Variants in CYP7B1 observed in about 807,000 individuals in gnomAD.
The protein encoded by CYP7B1 is cytochrome P450 7B1.
A neutral mutation model predicts 42.7 loss-of-function variants in CYP7B1; 29 were observed. That is an observed-to-expected ratio of 0.68 (90% CI 0.51 to 0.93). CYP7B1 has a LOEUF of 0.93. Ranked by LOEUF, CYP7B1 falls within the 40% of genes least tolerant of loss-of-function variation. CYP7B1 has a pLI of 0.00. For synonymous variants in CYP7B1, 235 were observed against 218.2 expected, an observed-to-expected ratio of 1.08 and a Z score of -0.68; for missense variants, 655 against 600.5, an observed-to-expected ratio of 1.09 and a Z score of -0.95.
intron 1 of CYP7B1, among the ~76,000 whole-genome samples, chr8:64,629,932 C>G (rs140818108): frequency 1.3e-5 from 2 of 152,076 alleles, no homozygotes; most frequent in Non-Finnish European, 2.9e-5. Flanking sequence ...AGACCAGAAG[C>G]CCCAGTGAGA....
chr8:64,695,999 A>G (rs896367461), intron 1 of CYP7B1, among the ~76,000 whole-genome samples: 1 of 152,222 alleles, frequency 6.6e-6, no homozygotes, highest in African/African-American at 2.4e-5. Context: ...TAGAACAGTT[A>G]TAATTCTTAT....
intron 1 of CYP7B1, among the ~76,000 whole-genome samples, chr8:64,737,592 C>T (rs1807508425): frequency 6.6e-6 from 1 of 152,070 alleles, no homozygotes; most frequent in South Asian, 2.1e-4. Flanking sequence ...TTTAACTTTT[C>T]AAAAATTATG....
intron 1 of CYP7B1, among the ~76,000 whole-genome samples, chr8:64,722,400 A>G (rs1807249159): frequency 6.6e-6 from 1 of 152,226 alleles, no homozygotes; most frequent in South Asian, 2.1e-4. Flanking sequence ...AAACAAATTC[A>G]TTTTAATGTA....
intron 1 of CYP7B1, among the ~76,000 whole-genome samples, chr8:64,730,523 T>C (rs1807392927): frequency 6.6e-6 from 1 of 152,106 alleles, no homozygotes; most frequent in African/African-American, 2.4e-5. Flanking sequence ...ATGACAGACT[T>C]TGAAAAACAT....
intron 1 of CYP7B1, among the ~76,000 whole-genome samples, chr8:64,700,514 T>A (rs1806899645): frequency 6.6e-6 from 1 of 152,122 alleles, no homozygotes; most frequent in Admixed American, 6.5e-5. Context: ...GACAAAAAAG[T>A]AGGACAAGAT....
At chr8:64,600,638 T>C (rs1020414556) in intron 5 of CYP7B1, among the ~76,000 whole-genome samples, 41 of 152,186 alleles carry the variant, frequency 2.7e-4, no homozygotes, top group African/African-American at 9.7e-4. Context: ...GCAGACAGTT[T>C]GACCAGCTTG....
At chr8:64,616,386 A>T (rs1489827076) in intron 2 of CYP7B1, 105 bp from the exon 3 acceptor site, 2 of 764,300 alleles carry the variant, frequency 2.6e-6, no homozygotes. Context: ...AAAGACCCTA[A>T]TAACTAAGGC....
At chr8:64,597,302 T>C (rs1025734974) in intron 5 of CYP7B1, among the ~76,000 whole-genome samples, 1 of 152,164 alleles carries the variant, frequency 6.6e-6, no homozygotes, top group African/African-American at 2.4e-5. Flanking sequence ...CTGGTGAGAC[T>C]GCCATTGTTA....
rs1487147780 is a variant in CYP7B1, at chr8:64,798,420, CGCGGGGCCCAGGGCGCATGCGTGGCCT to C, written c.122+19_122+45del. The stretch of plus-strand genomic sequence containing the variant: ...CTCGCCATCTGGGTCGCGCGCGGCC[CGCGGGGCCCAGGGCGCATGCGTGGCCT>C]GGCGGCCGAGGCGCTTACCTGGTGC... On this transcript the variant is annotated intron_variant, in intron 1 of 5. Coordinates refer to ENST00000310193, the MANE Select transcript of CYP7B1 (RefSeq NM_004820.5). 5 of 1,454,154 alleles carry C rather than the reference CGCGGGGCCCAGGGCGCATGCGTGGCCT, an allele frequency of 3.4e-6. No homozygotes were observed. The highest frequency in any genetic ancestry group is 4.5e-6 in the Non-Finnish European group (5 of 1,117,010). The allele number at this position is 1,454,154 out of a possible 1,614,324, so 90.1% of individuals were successfully genotyped here.
At chr8:64,737,876 T>C (rs1807512866) in intron 1 of CYP7B1, among the ~76,000 whole-genome samples, 1 of 152,244 alleles carries the variant, frequency 6.6e-6, no homozygotes, top group African/African-American at 2.4e-5. Flanking sequence ...CAGCAGTAAC[T>C]GGGAATTTGG....
intron 1 of CYP7B1, among the ~76,000 whole-genome samples, chr8:64,698,072 A>C (rs1013524636): frequency 6.6e-6 from 1 of 152,226 alleles, no homozygotes; most frequent in Admixed American, 6.5e-5. Context: ...AAAACATAAA[A>C]TTCCACCAGT....
intron 1 of CYP7B1, among the ~76,000 whole-genome samples, chr8:64,628,842 T>A (rs1805646133): frequency 1.3e-5 from 2 of 152,146 alleles, no homozygotes; most frequent in African/African-American, 2.4e-5. Context: ...CCCATAATAT[T>A]TGAAGTTCAT....
rs1805031993 is a variant in CYP7B1, at chr8:64,591,472, T to C, written c.*5170A>G. Among the ~76,000 whole-genome samples the C allele has an allele frequency of 6.6e-6, 1 of 152,232 alleles. No homozygotes were observed. On this transcript the variant is annotated 3_prime_UTR_variant, in exon 6 of 6. Transcript: ENST00000310193. Reference sequence around the variant, plus strand: ...TCACATAATTATTGCCATTCTTTTATACTAGGATCAAACACTAGATAAATG... The same window carrying C: ...TCACATAATTATTGCCATTCTTTTACACTAGGATCAAACACTAGATAAATG...
chr8:64,624,709 G>A (rs1805582236), intron 1 of CYP7B1, among the ~76,000 whole-genome samples, 170 bp from the exon 2 acceptor site: 1 of 152,052 alleles, frequency 6.6e-6, no homozygotes, highest in Non-Finnish European at 1.5e-5. Context: ...AGTTTACTGA[G>A]CTTCTCCAGT....
At chr8:64,754,805 T>C (rs1050504669) in intron 1 of CYP7B1, among the ~76,000 whole-genome samples, 4 of 152,134 alleles carry the variant, frequency 2.6e-5, no homozygotes, top group African/African-American at 7.2e-5. Context: ...AGGAGTAATA[T>C]CTTTGAGGGA....
chr8:64,743,610 A>G (rs1364571069), intron 1 of CYP7B1, among the ~76,000 whole-genome samples: 1 of 152,016 alleles, frequency 6.6e-6, no homozygotes, highest in East Asian at 1.9e-4. Flanking sequence ...CCTTTCCTCC[A>G]CAGGCACGCA....
intron 1 of CYP7B1, among the ~76,000 whole-genome samples, chr8:64,764,038 G>A (rs1248427187): frequency 1.3e-5 from 2 of 151,990 alleles, no homozygotes; most frequent in Non-Finnish European, 2.9e-5. Context: ...AGGCATCTAG[G>A]CTATGAACCC....
intron 1 of CYP7B1, among the ~76,000 whole-genome samples, chr8:64,688,149 A>G (rs1051338796): frequency 6.6e-6 from 1 of 152,232 alleles, no homozygotes; most frequent in Non-Finnish European, 1.5e-5. Flanking sequence ...GATAATACAG[A>G]TGTCTGCACA....
chr8:64,676,331 C>T (rs1009918666), intron 1 of CYP7B1, among the ~76,000 whole-genome samples: 4 of 152,074 alleles, frequency 2.6e-5, no homozygotes, highest in Non-Finnish European at 4.4e-5. Context: ...TACCATCTTA[C>T]GCGTTAGCAC....
Sources: gnomAD v4.1 joint callset for allele counts (sites outside exome capture counted in the v4.1 genomes callset) on GRCh38, gnomAD v4.1.1 for gene constraint, MANE v1.5 for transcripts, NCBI Gene and HGNC (gene_info 2026-07-23, HGNC 2026-07-21) for gene names.